SLC4A5: variants seen among roughly 807,000 people sequenced by gnomAD.
SLC4A5 encodes electrogenic sodium bicarbonate cotransporter 4.
Under a neutral mutation model 120.4 loss-of-function variants are expected in SLC4A5, and 96 were observed. The ratio of observed to expected loss-of-function variants is 0.80; its 90% CI spans 0.68 to 0.94. The LOEUF (loss-of-function observed/expected upper bound fraction) is 0.94, where lower values mean the gene tolerates loss of function less well. SLC4A5 is among the 40% of genes least tolerant of loss of function. The pLI is 0.00. For missense variants in SLC4A5, 1,259 were observed against 1,459.5 expected (o/e 0.86, Z 2.24); for synonymous variants, 550 against 571.1 (o/e 0.96, Z 0.53).
chr2:74,223,587 T>C (rs1277520859), intron 28 of SLC4A5, among the ~76,000 whole-genome samples: 1 of 152,236 alleles, frequency 6.6e-6, no homozygotes, highest in African/African-American at 2.4e-5. Flanking sequence ...AATGAATTTG[T>C]ATAAATTGAA....
chr2:74,264,107 C>G (rs750137619), intron 10 of SLC4A5, 40 bp downstream of exon 10: 2 of 1,597,146 alleles, frequency 1.3e-6, no homozygotes, highest in Non-Finnish European at 1.7e-6. Context: ...TGATACTGGC[C>G]CTGCATGTCC....
chr2:74,275,767 T>A (rs1358336347), intron 8 of SLC4A5, among the ~76,000 whole-genome samples: 1 of 152,232 alleles, frequency 6.6e-6, no homozygotes, highest in Admixed American at 6.5e-5. Context: ...ACTTAACAGG[T>A]ATTATCTCAT....
At position 74,252,397 on chromosome 2, in the gene SLC4A5, G is replaced by C. The variant is rs751384214; in HGVS notation, c.1269-9C>G. ...GGGAGAACACAGATTTCCTGGAAGA[G>C]AAGGGGGATGAAGGAGAGTGGGTCC... On this transcript the variant is annotated splice_polypyrimidine_tract_variant and intron_variant, in intron 15 of 30. Coordinates refer to ENST00000394019, the Ensembl canonical transcript of SLC4A5. The C allele has an allele frequency of 6.2e-7, 1 of 1,606,030 alleles. No individual in the cohort carries two copies. The highest frequency in any genetic ancestry group is 8.5e-7 in the Non-Finnish European group (1 of 1,173,798).
chr2:74,232,602 T>C, exon 24 of SLC4A5: 1 of 1,613,752 alleles, frequency 6.2e-7, no homozygotes, highest in Non-Finnish European at 8.5e-7. Flanking sequence ...CACAAAGCCA[T>C]GAGGATGCCC....
chr2:74,222,571 T>C (rs551220684), intron 29 of SLC4A5, among the ~76,000 whole-genome samples: 3 of 152,140 alleles, frequency 2.0e-5, no homozygotes, highest in South Asian at 4.1e-4. Flanking sequence ...GTGGCAGCAA[T>C]AGATTCTCAT....
At chr2:74,327,003 C>T (rs1017204967) in intron 5 of SLC4A5, among the ~76,000 whole-genome samples, 3 of 152,172 alleles carry the variant, frequency 2.0e-5, no homozygotes, top group African/African-American at 7.2e-5. Flanking sequence ...TAGGTGCCCA[C>T]CCCTTCCCTA....
chr2:74,265,891 G>C (rs1671286398), intron 8 of SLC4A5, among the ~76,000 whole-genome samples: 1 of 151,998 alleles, frequency 6.6e-6, no homozygotes, highest in South Asian at 2.1e-4. Context: ...AGAAGACTTG[G>C]AATCATGGGC....
chr2:74,239,271 C>T, intron 21 of SLC4A5, 64 bp downstream of exon 21: 1 of 1,519,268 alleles, frequency 6.6e-7, no homozygotes, highest in Non-Finnish European at 9.1e-7. Flanking sequence ...GGACCAGAAC[C>T]CTCTCTGGGG....
chr2:74,240,932 T>C (rs1405764583), intron 20 of SLC4A5, among the ~76,000 whole-genome samples: 1 of 152,126 alleles, frequency 6.6e-6, no homozygotes, highest in Non-Finnish European at 1.5e-5. Context: ...GGTGCTACCT[T>C]CATCTGGAAT....
At chr2:74,231,581 T>C in intron 24 of SLC4A5, among the ~76,000 whole-genome samples, 1 of 152,198 alleles carries the variant, frequency 6.6e-6, no homozygotes, top group South Asian at 2.1e-4. Flanking sequence ...AGGACTGATG[T>C]GGACTGGATC....
chr2:74,252,927 A>G (rs1324494820), intron 15 of SLC4A5, 47 bp downstream of exon 15: 1 of 1,599,136 alleles, frequency 6.3e-7, no homozygotes, highest in Non-Finnish European at 8.6e-7. Context: ...ATACCGACAG[A>G]GTTGAAGCCT....
chr2:74,342,199 T>C (rs920860646), intron 2 of SLC4A5, among the ~76,000 whole-genome samples: 3 of 152,228 alleles, frequency 2.0e-5, no homozygotes. Flanking sequence ...CACTCTACTA[T>C]CTGTTTCTTG....
intron 8 of SLC4A5, among the ~76,000 whole-genome samples, chr2:74,267,476 T>G (rs1671341253): frequency 6.6e-6 from 1 of 152,128 alleles, no homozygotes; most frequent in South Asian, 2.1e-4. Context: ...AAATAAAAAA[T>G]ATGTGGGTGA....
Position 74,300,124 on chromosome 2 carries a change from T to C in SLC4A5, c.271+4365A>G, listed in dbSNP as rs1401725705. ...CGCTAAGTGAAATAAGCCAGAACTA[T>C]TGCATGTTCTCATTTATATGTGGAA... On this transcript the variant is annotated intron_variant, in intron 7 of 30. Coordinates refer to ENST00000394019, the Ensembl canonical transcript of SLC4A5. 3.3e-5 allele frequency among the ~76,000 whole-genome samples: 5 copies of C among 152,328 alleles called. No homozygotes were observed. In the South Asian group the frequency reaches 6.2e-4, roughly 19 times the overall value.
chr2:74,226,952 T>C lies in SLC4A5; in HGVS notation c.3090+5A>G. 1 of 1,612,454 alleles carries C rather than the reference T, an allele frequency of 6.2e-7. No individual in the cohort carries two copies. The highest frequency in any genetic ancestry group is 8.5e-7 in the Non-Finnish European group (1 of 1,178,956). On this transcript the variant is annotated splice_donor_5th_base_variant and intron_variant, in intron 27 of 30. Coordinates refer to ENST00000394019, the Ensembl canonical transcript of SLC4A5. Reference sequence around the variant, plus strand: ...GCAGGAGGGGGAAGCCCGTGCCCACTTTACCATGACCGGGAAGATGATGGC... The same window carrying C: ...GCAGGAGGGGGAAGCCCGTGCCCACCTTACCATGACCGGGAAGATGATGGC...
chr2:74,332,439 G>C (rs2104344422), intron 4 of SLC4A5, among the ~76,000 whole-genome samples: 1 of 152,200 alleles, frequency 6.6e-6, no homozygotes, highest in South Asian at 2.1e-4. Context: ...TTGATCTTCA[G>C]GCATCTTCCT....
intron 25 of SLC4A5, among the ~76,000 whole-genome samples, chr2:74,229,104 C>T (rs1381481409): frequency 1.7e-4 from 17 of 98,572 alleles, no homozygotes; most frequent in South Asian, 1.5e-3. Context: ...TAGATTTGAG[C>T]TTTTTTTTTT....
intron 5 of SLC4A5, chr2:74,319,345 C>T (rs373637945): frequency 1.6e-4 from 25 of 152,144 alleles, no homozygotes; most frequent in South Asian, 6.2e-4. Flanking sequence ...TGAATTTGTA[C>T]TCCCTAAATA....
intron 3 of SLC4A5, among the ~76,000 whole-genome samples, chr2:74,337,241 C>G (rs1198695944): frequency 1.3e-5 from 2 of 152,056 alleles, no homozygotes; most frequent in Non-Finnish European, 2.9e-5. Context: ...CAAGAGGACC[C>G]CAGGCAAGCT....
Sources: gnomAD v4.1 joint callset for allele counts (sites outside exome capture counted in the v4.1 genomes callset) on GRCh38, gnomAD v4.1.1 for gene constraint, MANE v1.5 for transcripts, NCBI Gene and HGNC (gene_info 2026-07-23, HGNC 2026-07-21) for gene names.